Variants in CHODL observed in about 807,000 individuals in gnomAD.
CHODL encodes the protein transmembrane protein MT75.
In CHODL, 29 loss-of-function variants were observed where a neutral mutation model predicts 34.5. That is an observed-to-expected ratio of 0.84 (90% CI 0.63 to 1.15). The LOEUF is 1.15. Among genes scored for constraint, CHODL ranks in the 50% most tolerant of loss-of-function variants. The pLI is 0.00. For synonymous variants in CHODL, 125 were observed against 116.1 expected, an observed-to-expected ratio of 1.08 and a Z score of -0.49; for missense variants, 332 against 332.5, an observed-to-expected ratio of 1.00 and a Z score of 0.01.
In CHODL at chr21:18,101,152, C is replaced by G. The variant is rs2065208352; in HGVS notation, c.-45+73181C>G. Among the ~76,000 whole-genome samples the G allele has an allele frequency of 2.1e-5, 3 of 140,870 alleles. No individual in the cohort carries two copies. In the South Asian group the frequency reaches 6.5e-4, roughly 30 times the overall value. 92.4% of individuals were successfully genotyped at this position (140,870 alleles called of 152,430 possible). Reference sequence around the variant, plus strand: ...TGTTCTCATGATAGTGAATGGGTCTCACAAGATCTGATGGTTTTTAAAAAC... The same window carrying G: ...TGTTCTCATGATAGTGAATGGGTCTGACAAGATCTGATGGTTTTTAAAAAC... On this transcript the variant is annotated intron_variant, in intron 2 of 6. Coordinates refer to the CHODL transcript ENST00000400127.
At position 18,124,056 on chromosome 21, in the gene CHODL, C is replaced by T. The variant is rs142400912; in HGVS notation, c.-45+96085C>T. On this transcript the variant is annotated intron_variant, in intron 2 of 6. Coordinates refer to the CHODL transcript ENST00000400127. ...AAAATTAGCTGGACTTGGTGGCAGG[C>T]GCCTTAATTCCAGCTACTTGGAAGG... is the stretch of plus-strand genomic sequence containing the variant. 2.0e-3 allele frequency among the ~76,000 whole-genome samples: 300 copies of T among 152,068 alleles called. 3 individuals are homozygous for T. Among genetic ancestry groups the T allele is most frequent in the African/African-American group, 7.0e-3 (289 of 41,456 alleles).
intron 2 of CHODL, among the ~76,000 whole-genome samples, chr21:18,198,423 A>AT (rs953404171): frequency 3.9e-5 from 6 of 152,166 alleles, no homozygotes; most frequent in Non-Finnish European, 5.9e-5. Flanking sequence ...TAAAACAGTG[A>AT]TTTTTTAACT....
chr21:17,989,084 T>A (rs2063777391), intron 1 of CHODL, among the ~76,000 whole-genome samples: 1 of 152,200 alleles, frequency 6.6e-6, no homozygotes, highest in African/African-American at 2.4e-5. Flanking sequence ...AGATAAGGAA[T>A]AATTTGGAAA....
intron 2 of CHODL, among the ~76,000 whole-genome samples, chr21:18,061,452 C>T (rs1600952002): frequency 1.3e-5 from 2 of 152,210 alleles, no homozygotes; most frequent in African/African-American, 4.8e-5. Flanking sequence ...TGATAGATGA[C>T]AGAGATGAAA....
intron 1 of CHODL, among the ~76,000 whole-genome samples, chr21:17,976,215 G>A (rs2063660676): frequency 7.1e-6 from 1 of 140,830 alleles, no homozygotes. Context: ...ATATTGCAGT[G>A]AGCCGAGATT....
chr21:18,081,107 G>A (rs2064936073), intron 2 of CHODL, among the ~76,000 whole-genome samples: 1 of 152,072 alleles, frequency 6.6e-6, no homozygotes, highest in Non-Finnish European at 1.5e-5. Flanking sequence ...TAGTGTAAAT[G>A]GAATTGCCTT....
intron 1 of CHODL, among the ~76,000 whole-genome samples, chr21:17,971,715 A>T (rs1478665635): frequency 6.6e-6 from 1 of 152,156 alleles, no homozygotes; most frequent in Non-Finnish European, 1.5e-5. Context: ...GCCAAATTCT[A>T]CCAGAGGTAC....
At chr21:18,248,934 T>C (rs1192890319) in intron 1 of CHODL, among the ~76,000 whole-genome samples, 5 of 113,464 alleles carry the variant, frequency 4.4e-5, no homozygotes, top group African/African-American at 2.0e-4. Context: ...TGTATACATA[T>C]ATATTATGTA....
At chr21:18,208,832 A>G (rs1471350022) in intron 2 of CHODL, among the ~76,000 whole-genome samples, 1 of 151,776 alleles carries the variant, frequency 6.6e-6, no homozygotes, top group Non-Finnish European at 1.5e-5. Flanking sequence ...ACTTTCTCCC[A>G]AACAGAGTCA....
upstream of CHODL, among the ~76,000 whole-genome samples, chr21:18,242,530 C>A (rs951091984): frequency 5.2e-5 from 6 of 115,080 alleles, no homozygotes; most frequent in Non-Finnish European, 9.5e-5. Context: ...AAACTGTGAT[C>A]TCTGAACTCA....
chr21:18,121,116 C>T (rs2065473847), intron 2 of CHODL, among the ~76,000 whole-genome samples: 1 of 152,036 alleles, frequency 6.6e-6, no homozygotes, highest in South Asian at 2.1e-4. Flanking sequence ...TTCCTCAGGG[C>T]TTCTCTTCTT....
intron 2 of CHODL, among the ~76,000 whole-genome samples, chr21:18,160,307 G>T (rs1470517015): frequency 6.6e-6 from 1 of 152,110 alleles, no homozygotes; most frequent in African/African-American, 2.4e-5. Context: ...GGGGGTAAAA[G>T]AGTATTATTC....
intron 1 of CHODL, among the ~76,000 whole-genome samples, chr21:17,978,028 A>C (rs1166839572): frequency 2.0e-5 from 3 of 152,158 alleles, no homozygotes; most frequent in Non-Finnish European, 2.9e-5. Context: ...AAATTAGCCC[A>C]AACAGTGGCT....
chr21:17,987,548 A>C (rs952856425), intron 1 of CHODL, among the ~76,000 whole-genome samples: 3 of 152,182 alleles, frequency 2.0e-5, no homozygotes, highest in African/African-American at 7.2e-5. Context: ...CAATTGGATA[A>C]GTCAATCAAT....
At chr21:18,239,176 T>C (rs1040278970) in intron 2 of CHODL, among the ~76,000 whole-genome samples, 3 of 152,268 alleles carry the variant, frequency 2.0e-5, no homozygotes, top group East Asian at 3.9e-4. Flanking sequence ...AGAATATGTA[T>C]ACCTTATTGC....
upstream of CHODL, among the ~76,000 whole-genome samples, chr21:18,244,659 C>A (rs2074114607): frequency 6.6e-6 from 1 of 152,092 alleles, no homozygotes; most frequent in Admixed American, 6.5e-5. Flanking sequence ...GAGGAGGGGA[C>A]CAGAGGAGGC....
intron 1 of CHODL, among the ~76,000 whole-genome samples, chr21:17,926,354 G>A (rs1335404513): frequency 6.7e-6 from 1 of 148,730 alleles, no homozygotes; most frequent in African/African-American, 2.5e-5. Context: ...AAGCTACTGA[G>A]GGTAACAAAT....
At chr21:17,988,077 A>T (rs555175696) in intron 1 of CHODL, among the ~76,000 whole-genome samples, 2 of 152,322 alleles carry the variant, frequency 1.3e-5, no homozygotes, top group Admixed American at 1.3e-4. Flanking sequence ...TGAAAATATA[A>T]TCATAAAACA....
intron 2 of CHODL, among the ~76,000 whole-genome samples, chr21:18,041,244 A>G (rs1195544499): frequency 1.3e-5 from 2 of 151,934 alleles, no homozygotes; most frequent in Admixed American, 6.6e-5. Flanking sequence ...AGGATGGCCT[A>G]TGGAGAAAGA....
Sources: gnomAD v4.1 joint callset for allele counts (sites outside exome capture counted in the v4.1 genomes callset) on GRCh38, gnomAD v4.1.1 for gene constraint, MANE v1.5 for transcripts, NCBI Gene and HGNC (gene_info 2026-07-23, HGNC 2026-07-21) for gene names.